FOXO1: variants seen among roughly 807,000 people sequenced by gnomAD.
FOXO1 encodes forkhead box protein O1.
In FOXO1, 6 loss-of-function variants were observed where a neutral mutation model predicts 44.1. The observed-to-expected ratio is 0.14, with a 90% confidence interval of 0.07 to 0.27. FOXO1 has a LOEUF of 0.27. FOXO1 is among the 10% of genes least tolerant of loss of function. The pLI is 1.00. For synonymous variants in FOXO1, 380 were observed against 362.7 expected (o/e 1.05, Z -0.54); for missense variants, 737 against 888.8 (o/e 0.83, Z 2.17).
At chr13:40,601,342 C>T (rs1875808240) in intron 1 of FOXO1, among the ~76,000 whole-genome samples, 1 of 152,166 alleles carries the variant, frequency 6.6e-6, no homozygotes, top group Non-Finnish European at 1.5e-5. Context: ...TTACATTATT[C>T]ACTGACTGAA....
chr13:40,606,820 T>C (rs772071849), intron 1 of FOXO1, among the ~76,000 whole-genome samples: 1 of 152,128 alleles, frequency 6.6e-6, no homozygotes, highest in Non-Finnish European at 1.5e-5. Context: ...TCCCTGCAAC[T>C]CCCACATCCA....
At chr13:40,564,956 C>T (rs1340617646) in intron 1 of FOXO1, among the ~76,000 whole-genome samples, 1 of 150,658 alleles carries the variant, frequency 6.6e-6, no homozygotes, top group Non-Finnish European at 1.5e-5. Flanking sequence ...AGTCGGGGAA[C>T]CCCGACATGG....
intron 1 of FOXO1, among the ~76,000 whole-genome samples, chr13:40,646,675 C>T (rs1877521268): frequency 6.6e-6 from 1 of 152,182 alleles, no homozygotes; most frequent in Non-Finnish European, 1.5e-5. Context: ...CTCACTACAA[C>T]CACCGCCTCC....
In FOXO1 at chr13:40,560,752, C is replaced by T. The variant is rs977061170; in HGVS notation, c.739G>A (p.Gly247Arg). 1.9e-6 allele frequency: 3 copies of T among 1,614,018 alleles called. No homozygotes were observed. The highest frequency in any genetic ancestry group is 1.3e-5 in the African/African-American group (1 of 74,910). ...WMLNPEGGKS[G>R]KSPRRRAASM... is the part of the protein sequence containing the mutation. ...GCAGCTCTTCTCCTAGGAGATTTCCCGCTCTTGCCACCCTCTGGATTGAGC... is the reference window on the plus strand; with the variant it reads ...GCAGCTCTTCTCCTAGGAGATTTCCTGCTCTTGCCACCCTCTGGATTGAGC... Residue 247 changes from glycine (G) to arginine (R), a missense_variant, in exon 2 of 3, where the codon GGG becomes AGG. Gly to Arg is a moderately radical substitution (Grantham distance 125). Coordinates refer to ENST00000379561, the MANE Select transcript of FOXO1 (RefSeq NM_002015.4). This position sits in a 1 kb window ranked among gnomAD's most constrained non-coding sequence, Gnocchi z 5.1.
intron 1 of FOXO1, among the ~76,000 whole-genome samples, chr13:40,606,667 G>A (rs577599358): frequency 6.6e-6 from 1 of 152,214 alleles, no homozygotes; most frequent in African/African-American, 2.4e-5. Context: ...TGGTGGGGCT[G>A]GGGGAGAGGC....
At chr13:40,665,522 G>C in intron 1 of FOXO1, 61 bp downstream of exon 1, 1 of 1,295,424 alleles carries the variant, frequency 7.7e-7, no homozygotes, top group Non-Finnish European at 1.0e-6. Context: ...AACCTGCACA[G>C]CTGCGCCCTC....
chr13:40,560,740 T>C lies in FOXO1; in HGVS notation c.751A>G (p.Arg251Gly). The stretch of plus-strand genomic sequence containing the variant: ...TTGTCCATGGATGCAGCTCTTCTCC[T>C]AGGAGATTTCCCGCTCTTGCCACCC... ...PEGGKSGKSP[R>G]RRAASMDNNS... The change falls in exon 2 of 3, where the codon AGG becomes GGG. Residue 251 changes from arginine to glycine, a missense_variant. Physicochemically the swap from Arg to Gly is moderately radical, Grantham distance 125 (BLOSUM62 -2). Coordinates refer to ENST00000379561, the MANE Select transcript of FOXO1 (RefSeq NM_002015.4). The surrounding 1 kb of genome is among the most constrained non-coding windows in gnomAD (Gnocchi z 5.1). The C allele has an allele frequency of 6.2e-7, 1 of 1,614,224 alleles. No individual in the cohort carries two copies. The highest frequency in any genetic ancestry group is 8.5e-7 in the Non-Finnish European group (1 of 1,180,024).
chr13:40,584,614 A>T (rs1209600832), intron 1 of FOXO1, among the ~76,000 whole-genome samples: 40 of 151,964 alleles, frequency 2.6e-4, no homozygotes, highest in Non-Finnish European at 4.4e-5. Flanking sequence ...GTGCCACTGC[A>T]CTCCAGCCAG....
chr13:40,573,253 C>T (rs766063153), intron 1 of FOXO1, among the ~76,000 whole-genome samples: 1 of 152,224 alleles, frequency 6.6e-6, no homozygotes, highest in Non-Finnish European at 1.5e-5. Flanking sequence ...CACTGGCACT[C>T]CACCAGATGT....
chr13:40,618,155 T>G (rs954229651), intron 1 of FOXO1, among the ~76,000 whole-genome samples: 1 of 152,156 alleles, frequency 6.6e-6, no homozygotes, highest in African/African-American at 2.4e-5. Flanking sequence ...CTCAGCTCAC[T>G]GCAACCCCGC....
intron 1 of FOXO1, among the ~76,000 whole-genome samples, chr13:40,654,520 A>G (rs1211500746): frequency 6.6e-6 from 1 of 151,088 alleles, no homozygotes; most frequent in East Asian, 1.9e-4. Context: ...AAAAAAGAAG[A>G]AAAAGAAAAA....
In FOXO1 at chr13:40,556,473, A is replaced by G. The variant is rs1873754503; in HGVS notation, c.*2576T>C. 1 of 152,704 alleles carries G rather than the reference A, an allele frequency of 6.5e-6. No individual in the cohort carries two copies. Among genetic ancestry groups the G allele is most frequent in the Admixed American group, 6.5e-5 (1 of 15,288 alleles). The allele number at this position is 152,704 out of a possible 1,614,324, so 9.5% of individuals were successfully genotyped here. ...ACAAACCAGAGAAAATAAATCAAACAAGGCTGCATAGGTGATATCATTTGC... is the reference window on the plus strand; with the variant it reads ...ACAAACCAGAGAAAATAAATCAAACGAGGCTGCATAGGTGATATCATTTGC... On this transcript the variant is annotated 3_prime_UTR_variant, in exon 3 of 3. Transcript: ENST00000379561.
chr13:40,623,356 C>T (rs1020080427), intron 1 of FOXO1, among the ~76,000 whole-genome samples: 1 of 152,118 alleles, frequency 6.6e-6, no homozygotes, highest in Admixed American at 6.5e-5. Flanking sequence ...TTTTCCTCTG[C>T]ATTTACGTCT....
chr13:40,638,870 C>T (rs1459869637), intron 1 of FOXO1, among the ~76,000 whole-genome samples: 2 of 152,024 alleles, frequency 1.3e-5, no homozygotes, highest in African/African-American at 4.8e-5. Flanking sequence ...GGAAGGGGGG[C>T]AGGGCAGCGC....
intron 1 of FOXO1, among the ~76,000 whole-genome samples, chr13:40,571,964 T>C (rs539965202): frequency 6.6e-6 from 1 of 152,358 alleles, no homozygotes; most frequent in South Asian, 2.1e-4. Flanking sequence ...GCCATACCAA[T>C]ACTTTGATCC....
At chr13:40,581,100 A>G (rs985975737) in intron 1 of FOXO1, among the ~76,000 whole-genome samples, 7 of 152,242 alleles carry the variant, frequency 4.6e-5, no homozygotes, top group Admixed American at 2.0e-4. Flanking sequence ...TCTTGGAGAC[A>G]GAAAGAGCTT....
chr13:40,573,238 G>A (rs750162252), intron 1 of FOXO1, among the ~76,000 whole-genome samples: 2 of 152,208 alleles, frequency 1.3e-5, no homozygotes, highest in Admixed American at 6.5e-5. Context: ...TCACCACTGC[G>A]CAGTCACTGG....
chr13:40,613,644 T>C (rs1876313675), intron 1 of FOXO1, among the ~76,000 whole-genome samples: 1 of 152,156 alleles, frequency 6.6e-6, no homozygotes, highest in African/African-American at 2.4e-5. Flanking sequence ...ATTTCCTGAC[T>C]CTCACTTGGT....
At chr13:40,634,752 T>G (rs1304332936) in intron 1 of FOXO1, among the ~76,000 whole-genome samples, 1 of 152,114 alleles carries the variant, frequency 6.6e-6, no homozygotes, top group Non-Finnish European at 1.5e-5. Context: ...CAATCTCAGC[T>G]TACTGCAACC....
Sources: gnomAD v4.1 joint callset for allele counts (sites outside exome capture counted in the v4.1 genomes callset) on GRCh38, gnomAD v4.1.1 for gene constraint, Gnocchi (gnomAD v3.1) non-coding constraint, MANE v1.5 for transcripts, NCBI Gene and HGNC (gene_info 2026-07-23, HGNC 2026-07-21) for gene names.